Variants in C8orf34 observed in about 807,000 individuals in gnomAD.
C8orf34 encodes the protein chromosome 8 open reading frame 34.
A neutral mutation model predicts 68.3 loss-of-function variants in C8orf34; 65 were observed. That is an observed-to-expected ratio of 0.95 (90% CI 0.78 to 1.17). The LOEUF (loss-of-function observed/expected upper bound fraction) is 1.17. Ranked by LOEUF, C8orf34 falls within the 50% of genes most tolerant of loss-of-function variation. The probability of loss-of-function intolerance (pLI) is 0.00; values close to 1 mark genes in which losing one functional copy is unlikely to be tolerated. For missense variants in C8orf34, 664 were observed against 655.4 expected (o/e 1.01, Z -0.14); for synonymous variants, 244 against 241.2 (o/e 1.01, Z -0.11).
chr8:68,608,143 G>A (rs1169049362), intron 7 of C8orf34, among the ~76,000 whole-genome samples: 1 of 151,990 alleles, frequency 6.6e-6, no homozygotes, highest in Non-Finnish European at 1.5e-5. Flanking sequence ...ATAAAACTTG[G>A]ACTCTGTCTT....
chr8:68,485,724 A>AAAATAAATAAAT (rs1554561963), intron 4 of C8orf34, among the ~76,000 whole-genome samples: 13 of 147,286 alleles, frequency 8.8e-5, no homozygotes, highest in African/African-American at 3.2e-4. Context: ...AAAAAAATAA[A>AAAATAAATAAAT]AAATAAATAA....
rs1446623311 is a variant in C8orf34 at position 68,465,263 on chromosome 8, A to G, written c.608-3429A>G. Among the ~76,000 whole-genome samples, 10 of 151,782 alleles carry G rather than the reference A, an allele frequency of 6.6e-5. No homozygotes were observed. In the East Asian group the frequency reaches 1.9e-3, roughly 29 times the overall value. ...AAACTACAATGAGATACCATCTCAC[A>G]CCAGTTAGAATGGCAATCATTAAAA... On this transcript the variant is annotated intron_variant, in intron 3 of 13. Transcript: ENST00000518698.
intron 7 of C8orf34, among the ~76,000 whole-genome samples, chr8:68,634,826 A>G (rs1202325739): frequency 6.6e-6 from 1 of 152,190 alleles, no homozygotes; most frequent in African/African-American, 2.4e-5. Flanking sequence ...GATACTTTTC[A>G]GAGTGAGGCC....
chr8:68,647,472 T>C (rs190736500), intron 8 of C8orf34, among the ~76,000 whole-genome samples: 3 of 152,354 alleles, frequency 2.0e-5, no homozygotes, highest in African/African-American at 7.2e-5. Context: ...GAAATCATTA[T>C]GCCAAAGAAA....
intron 7 of C8orf34, among the ~76,000 whole-genome samples, chr8:68,596,605 A>G (rs901830027): frequency 2.6e-5 from 4 of 151,954 alleles, no homozygotes; most frequent in Non-Finnish European, 4.4e-5. Flanking sequence ...GGTTACTCAT[A>G]CCTCCATTCC....
At chr8:68,731,357 T>G (rs1821971542) in intron 10 of C8orf34, among the ~76,000 whole-genome samples, 2 of 152,192 alleles carry the variant, frequency 1.3e-5, no homozygotes, top group African/African-American at 2.4e-5. Context: ...AAAAGTGTGC[T>G]GACTCAAACA....
chr8:68,725,427 C>T (rs1407181669), intron 10 of C8orf34, among the ~76,000 whole-genome samples: 1 of 152,122 alleles, frequency 6.6e-6, no homozygotes, highest in Non-Finnish European at 1.5e-5. Flanking sequence ...AAAAAGGTTT[C>T]CTAAAATGCC....
intron 10 of C8orf34, among the ~76,000 whole-genome samples, chr8:68,741,025 A>T (rs760322401): frequency 6.6e-6 from 1 of 152,150 alleles, no homozygotes; most frequent in Non-Finnish European, 1.5e-5. Context: ...TGGGAGCTAA[A>T]TGATGAGAAG....
At chr8:68,577,903 A>C (rs1816952664) in intron 7 of C8orf34, among the ~76,000 whole-genome samples, 1 of 152,068 alleles carries the variant, frequency 6.6e-6, no homozygotes, top group African/African-American at 2.4e-5. Flanking sequence ...ACGAAAAAAA[A>C]AATGCTGAAA....
chr8:68,683,578 C>T (rs565244483), intron 8 of C8orf34, among the ~76,000 whole-genome samples: 37 of 152,000 alleles, frequency 2.4e-4, no homozygotes, highest in Middle Eastern at 6.8e-3. Context: ...ACATTTGAAA[C>T]ATGGGTAGAA....
At chr8:68,498,321 A>G (rs577189291) in intron 5 of C8orf34, among the ~76,000 whole-genome samples, 5 of 152,242 alleles carry the variant, frequency 3.3e-5, no homozygotes, top group Non-Finnish European at 5.9e-5. Flanking sequence ...CCCTCTTAGA[A>G]TTTTGAATAT....
At chr8:68,361,512 T>C (rs1044063854) in intron 1 of C8orf34, among the ~76,000 whole-genome samples, 4 of 152,220 alleles carry the variant, frequency 2.6e-5, no homozygotes, top group Non-Finnish European at 5.9e-5. Context: ...ATCTACCACA[T>C]TACTCTATCC....
At chr8:68,807,371 A>T (rs766597877) in intron 12 of C8orf34, among the ~76,000 whole-genome samples, 1 of 152,196 alleles carries the variant, frequency 6.6e-6, no homozygotes, top group African/African-American at 2.4e-5. Flanking sequence ...ATTTTCATCC[A>T]TTTAACTCTG....
intron 5 of C8orf34, among the ~76,000 whole-genome samples, chr8:68,521,303 G>T (rs780739525): frequency 2.0e-5 from 3 of 152,154 alleles, no homozygotes; most frequent in Non-Finnish European, 4.4e-5. Flanking sequence ...ATCTGCCATT[G>T]ATAGTGCTGT....
chr8:68,559,232 G>T (rs1199033067), intron 7 of C8orf34, among the ~76,000 whole-genome samples: 1 of 152,184 alleles, frequency 6.6e-6, no homozygotes, highest in African/African-American at 2.4e-5. Flanking sequence ...TGCTATGGAA[G>T]TAACAGATGG....
chr8:68,425,976 T>A (rs1256060585), intron 1 of C8orf34, among the ~76,000 whole-genome samples: 1 of 152,038 alleles, frequency 6.6e-6, no homozygotes, highest in African/African-American at 2.4e-5. Context: ...TAGGGAAAAA[T>A]TGACTCTTGA....
intron 8 of C8orf34, among the ~76,000 whole-genome samples, chr8:68,697,356 G>A (rs1820865098): frequency 6.6e-6 from 1 of 151,952 alleles, no homozygotes; most frequent in South Asian, 2.1e-4. Flanking sequence ...ATAGGAATTG[G>A]TATATACCTA....
chr8:68,663,353 G>T (rs1402425873), intron 8 of C8orf34, among the ~76,000 whole-genome samples: 1 of 152,126 alleles, frequency 6.6e-6, no homozygotes, highest in Non-Finnish European at 1.5e-5. Flanking sequence ...ACTTCTGTTT[G>T]TTTTTCTCTT....
chr8:68,541,163 A>T (rs1224551728), intron 7 of C8orf34, among the ~76,000 whole-genome samples: 4 of 152,288 alleles, frequency 2.6e-5, no homozygotes, highest in Admixed American at 1.3e-4. Flanking sequence ...AGTATATCTG[A>T]TAAAGAATTA....
Sources: allele counts gnomAD v4.1 joint callset (sites outside exome capture counted in the v4.1 genomes callset), GRCh38; gene constraint gnomAD v4.1.1; transcripts MANE v1.5; gene names NCBI Gene and HGNC (gene_info 2026-07-23, HGNC 2026-07-21).